EYS: variants seen among roughly 807,000 people sequenced by gnomAD.
EYS encodes protein eyes shut homolog.
Under a neutral mutation model 282.1 loss-of-function variants are expected in EYS, and 250 were observed. The ratio of observed to expected loss-of-function variants is 0.89; its 90% CI spans 0.80 to 0.98. The LOEUF (loss-of-function observed/expected upper bound fraction) is 0.98. EYS is among the 50% of genes least tolerant of loss of function. The pLI is 0.00. For missense variants in EYS, 4,016 were observed against 3,709.0 expected (o/e 1.08, Z -2.15); for synonymous variants, 1,355 against 1,282.9 (o/e 1.06, Z -1.20).
chr6:64,558,876 T>C (rs968658475), intron 26 of EYS, among the ~76,000 whole-genome samples: 2 of 152,218 alleles, frequency 1.3e-5, no homozygotes, highest in African/African-American at 4.8e-5. Context: ...TGCTATTTCA[T>C]CTTTTTTGAA....
chr6:65,278,407 T>C (rs970568445), intron 12 of EYS, among the ~76,000 whole-genome samples: 1 of 145,128 alleles, frequency 6.9e-6, no homozygotes, highest in Admixed American at 7.1e-5. Flanking sequence ...TATATATATA[T>C]CTCCTATTGG....
At chr6:64,614,871 A>AAT (rs1319061289) in intron 24 of EYS, among the ~76,000 whole-genome samples, 1 of 152,144 alleles carries the variant, frequency 6.6e-6, no homozygotes, top group African/African-American at 2.4e-5. Flanking sequence ...ACTCTCGTAC[A>AAT]ATCATAAAAT....
At chr6:65,189,544 A>T (rs1231958251) in intron 12 of EYS, among the ~76,000 whole-genome samples, 1 of 151,824 alleles carries the variant, frequency 6.6e-6, no homozygotes, top group African/African-American at 2.4e-5. Context: ...CAATAAAATA[A>T]AGCAAAATCA....
At chr6:64,357,752 T>C (rs1771873656) in intron 29 of EYS, among the ~76,000 whole-genome samples, 1 of 151,570 alleles carries the variant, frequency 6.6e-6, no homozygotes, top group Non-Finnish European at 1.5e-5. Context: ...GCCCCTGTAG[T>C]GTGAAGTAGC....
intron 2 of EYS, among the ~76,000 whole-genome samples, chr6:65,548,887 G>T (rs1562253380): frequency 1.3e-5 from 2 of 152,154 alleles, no homozygotes; most frequent in Non-Finnish European, 2.9e-5. Context: ...TAGCACAGTG[G>T]TTCCCAACCT....
intron 35 of EYS, among the ~76,000 whole-genome samples, chr6:63,888,863 A>G (rs1773335847): frequency 6.6e-6 from 1 of 152,240 alleles, no homozygotes; most frequent in African/African-American, 2.4e-5. Context: ...AGCATGTTCT[A>G]ATCCAATGAA....
intron 33 of EYS, among the ~76,000 whole-genome samples, chr6:64,065,515 A>T (rs7755169): frequency 0.07 from 10,604 of 152,296 alleles, 562 homozygotes; most frequent in African/African-American, 0.15. Context: ...ATTTTGAAGC[A>T]TAAATGAATT....
chr6:65,593,205 C>T (rs958561128), intron 2 of EYS, among the ~76,000 whole-genome samples: 15 of 152,024 alleles, frequency 9.9e-5, no homozygotes, highest in African/African-American at 3.4e-4. Context: ...CTTTCCAAAA[C>T]TGTCTTTTAA....
chr6:64,075,875 T>G (rs2149863500), intron 32 of EYS, among the ~76,000 whole-genome samples: 1 of 152,128 alleles, frequency 6.6e-6, no homozygotes, highest in Non-Finnish European at 1.5e-5. Context: ...AGGCGAAGTT[T>G]AATGAATCAC....
At chr6:64,997,833 T>C (rs1771323477) in intron 13 of EYS, 130 bp from the exon 14 acceptor site, 2 of 735,818 alleles carry the variant, frequency 2.7e-6, no homozygotes, top group Admixed American at 3.3e-5. Context: ...AATTATTATA[T>C]TTAATCGATT....
rs1379937362 is a variant in EYS at position 63,720,911 on chromosome 6, A to G, written c.9120T>C (p.Cys3040=). 1 of 1,551,186 alleles carries G rather than the reference A, an allele frequency of 6.4e-7. No homozygotes were observed. The highest frequency in any genetic ancestry group is 2.0e-5 in the Admixed American group (1 of 50,966). The stretch of plus-strand genomic sequence containing the variant: ...CAACTACATGGTGCCATTTATTACA[A>G]CAGAATGTGCCATTGTTATAGCTCA... ...VPMSYNNGTF[C]CNKWHHVVVI... The change falls in exon 43 of 43, where the codon TGT becomes TGC. Residue 3040 remains cysteine (C), a synonymous_variant. Coordinates refer to ENST00000503581, the MANE Select transcript of EYS (RefSeq NM_001142800.2).
At chr6:64,702,835 G>A (rs1212121101) in intron 22 of EYS, among the ~76,000 whole-genome samples, 1 of 152,046 alleles carries the variant, frequency 6.6e-6, no homozygotes, top group Non-Finnish European at 1.5e-5. Flanking sequence ...AATAACTAAA[G>A]TTTAACTAAT....
intron 13 of EYS, among the ~76,000 whole-genome samples, chr6:65,056,614 A>G (rs1378434576): frequency 3.9e-5 from 6 of 151,978 alleles, no homozygotes; most frequent in Non-Finnish European, 8.8e-5. Context: ...GAAGTCTAAT[A>G]TTTTTACCGA....
chr6:64,018,015 TA>T (rs1299701693), intron 33 of EYS, among the ~76,000 whole-genome samples: 1 of 152,228 alleles, frequency 6.6e-6, no homozygotes, highest in African/African-American at 2.4e-5. Context: ...GTAGCATTTC[TA>T]CCTCCATTTT....
intron 16 of EYS, among the ~76,000 whole-genome samples, chr6:64,905,625 G>GT (rs1767804435): frequency 6.6e-6 from 1 of 152,092 alleles, no homozygotes; most frequent in Non-Finnish European, 1.5e-5. Context: ...CTGCTCAAAT[G>GT]TAAGATCTGC....
chr6:65,491,455 C>T, intron 4 of EYS: 3 of 321,192 alleles, frequency 9.3e-6, no homozygotes, highest in Non-Finnish European at 1.9e-5. Context: ...GTTTTTTTCC[C>T]CAGTTTAATT....
chr6:65,604,258 G>A (rs1040000190), intron 2 of EYS, among the ~76,000 whole-genome samples: 1 of 151,822 alleles, frequency 6.6e-6, no homozygotes, highest in Non-Finnish European at 1.5e-5. Context: ...TCTCAACTTT[G>A]CTATAAAACA....
intron 31 of EYS, among the ~76,000 whole-genome samples, chr6:64,207,625 G>C (rs961236762): frequency 2.6e-5 from 4 of 152,076 alleles, no homozygotes; most frequent in Non-Finnish European, 5.9e-5. Context: ...TTACAAAATA[G>C]GGAGAATTCA....
chr6:65,306,832 C>CAA lies in EYS; in HGVS notation c.1767-10715_1767-10714dup, dbSNP rs201743269. On this transcript the variant is annotated intron_variant, in intron 11 of 42. Transcript: ENST00000503581. ...TGGGCAGCAGAGCAAGAGTCCGTCT[C>CAA]AAAAAAAAAAAAAAAAAAAAAAAAA... Among the ~76,000 whole-genome samples, 495 of 51,728 alleles carry CAA rather than the reference C, an allele frequency of 9.6e-3. 31 individuals are homozygous for CAA. Among genetic ancestry groups the CAA allele is most frequent in the African/African-American group, 0.031 (374 of 12,108 alleles). The allele number at this position is 51,728 out of a possible 152,430, so 33.9% of individuals were successfully genotyped here.
Sources: gnomAD v4.1 joint callset for allele counts (sites outside exome capture counted in the v4.1 genomes callset) on GRCh38, gnomAD v4.1.1 for gene constraint, MANE v1.5 for transcripts, NCBI Gene and HGNC (gene_info 2026-07-23, HGNC 2026-07-21) for gene names.